Variants in NTN5 observed in about 807,000 individuals in gnomAD.
NTN5 encodes the protein netrin 5.
A neutral mutation model predicts 38.7 loss-of-function variants in NTN5; 42 were observed. The ratio of observed to expected loss-of-function variants is 1.08; its 90% CI spans 0.85 to 1.40. The LOEUF is 1.40. Among genes scored for constraint, NTN5 ranks in the 40% most tolerant of loss-of-function variants. The pLI is 0.00. For missense variants in NTN5, 658 were observed against 716.5 expected, an observed-to-expected ratio of 0.92 and a Z score of 0.93; for synonymous variants, 329 against 303.9, an observed-to-expected ratio of 1.08 and a Z score of -0.86.
intron 6 of NTN5, 109 bp downstream of exon 6, chr19:48,663,354 C>G: frequency 1.0e-6 from 1 of 979,456 alleles, no homozygotes; most frequent in Non-Finnish European, 1.7e-6. Context: ...GAATCCAACA[C>G]TCCTTCCCAT....
At chr19:48,669,109 CCAT>C (rs1381635355) in intron 2 of NTN5, among the ~76,000 whole-genome samples, 120 of 127,610 alleles carry the variant, frequency 9.4e-4, no homozygotes, top group African/African-American at 3.5e-3. Flanking sequence ...ACCACTATCA[CCAT>C]CATCACCACC....
intron 5 of NTN5, 89 bp downstream of exon 5, chr19:48,663,672 G>T: frequency 6.6e-7 from 1 of 1,511,256 alleles, no homozygotes; most frequent in Non-Finnish European, 9.2e-7. Flanking sequence ...GGGCTCAATG[G>T]GTGACCCATG....
At chr19:48,663,992 G>C in intron 4 of NTN5, 151 bp downstream of exon 4, 2 of 1,179,246 alleles carry the variant, frequency 1.7e-6, no homozygotes, top group South Asian at 3.1e-5. Flanking sequence ...CAGAATTTCA[G>C]TCCCTGCTTA....
rs2031562118 is a variant in NTN5, at chr19:48,662,010, C to T, written c.1137G>A (p.Ala379=). ...CCAGCCGCTGCCATGCCGGGCCCGC[C>T]GCCTCGGACGCTAGCACCTGCGCGC... ...VLRAQVLASE[A]AGPAWQRLAV... is the part of the protein sequence containing the mutation. The change falls in exon 7 of 7, where the codon GCG becomes GCA. Residue 379 remains alanine, a synonymous_variant. Transcript: ENST00000270235. 2.0e-6 allele frequency: 3 copies of T among 1,487,048 alleles called. No homozygotes were observed. The highest frequency in any genetic ancestry group is 1.5e-5 in the African/African-American group (1 of 68,150). The allele number at this position is 1,487,048 out of a possible 1,614,324, so 92.1% of individuals were successfully genotyped here.
At position 48,662,019 on chromosome 19, in the gene NTN5, C is replaced by T; in HGVS notation, c.1128G>A (p.Ala376=). The T allele has an allele frequency of 4.0e-6, 6 of 1,484,710 alleles. No individual in the cohort carries two copies. The highest frequency in any genetic ancestry group is 2.5e-5 in the South Asian group (2 of 80,406). The allele number at this position is 1,484,710 out of a possible 1,614,324, so 92.0% of individuals were successfully genotyped here. Residue 376 remains alanine (A), a synonymous_variant, in exon 7 of 7, where the codon GCG becomes GCA. Transcript: ENST00000270235. The part of the protein sequence containing the change: ...QDHVLRAQVL[A]SEAAGPAWQR... ...GCCATGCCGGGCCCGCCGCCTCGGA[C>T]GCTAGCACCTGCGCGCGGAGAACTG...
At position 48,661,708 on chromosome 19, in the gene NTN5, G is replaced by A. The variant is rs1388301921; in HGVS notation, c.1439C>T (p.Ala480Val). ...CTCCGGCCTGGGACTGGGTGTGGGT[G>A]CCCGCACGCCGCGGCAGCCTCCGGC... is the stretch of plus-strand genomic sequence containing the variant. ...ERAGGCRGVR[A>V]PTPSPRPEH Residue 480 changes from alanine (A) to valine (V), a missense_variant, in exon 7 of 7, where the codon GCA (alanine) becomes GTA (valine). By Grantham distance (64) the Ala-to-Val change is moderately conservative (BLOSUM62 0). Transcript: ENST00000270235. 6.4e-7 allele frequency: 1 copy of A among 1,557,008 alleles called. No individual in the cohort carries two copies. The highest frequency in any genetic ancestry group is 8.6e-7 in the Non-Finnish European group (1 of 1,161,276).
intron 6 of NTN5, chr19:48,663,122 G>C: frequency 2.2e-6 from 1 of 452,010 alleles, no homozygotes; most frequent in South Asian, 1.6e-5. Context: ...GAAGCAGAAA[G>C]GGTCTCTGAG....
In NTN5 at chr19:48,664,174, C is replaced by A; in HGVS notation, c.939G>T (p.Gln313His). ...AGGGCATCCTGGGGGAGCGGCTCTG[C>A]TGGTAGCCAGGGCCACAGCGGTTGC... ...LTCNRCGPGY[Q>H]QSRSPRMPCQ... Residue 313 changes from glutamine (Q) to histidine (H), a missense_variant, in exon 4 of 7, where the codon CAG becomes CAT. Physicochemically the swap from Gln to His is conservative, Grantham distance 24. Coordinates refer to ENST00000270235, the MANE Select transcript of NTN5 (RefSeq NM_145807.4). 6.2e-7 allele frequency: 1 copy of A among 1,609,012 alleles called. No homozygotes were observed. The highest frequency in any genetic ancestry group is 8.5e-7 in the Non-Finnish European group (1 of 1,177,862).
In NTN5 at chr19:48,670,756, A is replaced by G. The variant is rs1381126266; in HGVS notation, c.231T>C (p.Ser77=). ...LALGGPFLLT[S]VSLRFCTPGP... is the part of the protein sequence containing the mutation. ...CTGGGGTACAGAAGCGCAAGCTGAC[A>G]GATGTCAGGAGGAAGGGGCCACCCA... The change falls in exon 2 of 7, where the codon TCT becomes TCC. Residue 77 remains serine (S), a synonymous_variant. Transcript: ENST00000270235. 3.1e-6 allele frequency: 5 copies of G among 1,612,920 alleles called. No individual in the cohort carries two copies. In the East Asian group the frequency reaches 1.1e-4, roughly 36 times the overall value.
intron 4 of NTN5, 55 bp from the exon 5 acceptor site, chr19:48,663,869 G>A (rs762313653): frequency 4.6e-5 from 72 of 1,550,150 alleles, no homozygotes; most frequent in Middle Eastern, 1.7e-4. Flanking sequence ...GGATCCCCTC[G>A]CCCCTGCCCC....
chr19:48,668,140 C>T (rs1043303260), intron 2 of NTN5, among the ~76,000 whole-genome samples: 22 of 152,082 alleles, frequency 1.4e-4, no homozygotes, highest in African/African-American at 5.1e-4. Context: ...TGGGACATTC[C>T]TGGGGGGCCC....
intron 2 of NTN5, among the ~76,000 whole-genome samples, chr19:48,666,809 C>T (rs969563798): frequency 2.0e-5 from 3 of 149,046 alleles, no homozygotes; most frequent in African/African-American, 4.9e-5. Flanking sequence ...TCAGCCTCCT[C>T]GGTAGCTGGG....
intron 2 of NTN5, among the ~76,000 whole-genome samples, chr19:48,669,646 C>T (rs1281382951): frequency 1.0e-5 from 1 of 95,368 alleles, no homozygotes; most frequent in Non-Finnish European, 2.0e-5. Flanking sequence ...ATCACCATCA[C>T]CACCACCAAC....
chr19:48,669,453 CCATGACCACCATCAT>C (rs2031831979), intron 2 of NTN5, among the ~76,000 whole-genome samples: 1 of 7,216 alleles, frequency 1.4e-4, no homozygotes, highest in Non-Finnish European at 3.3e-4. Context: ...ACCATCACCA[CCATGACCACCATCAT>C]CACCACCATC....
chr19:48,669,556 C>T (rs2122132231), intron 2 of NTN5, among the ~76,000 whole-genome samples: 1 of 11,552 alleles, frequency 8.7e-5, no homozygotes, highest in African/African-American at 2.6e-4. Context: ...CCACCACCAT[C>T]ACCACCACCA....
rs138870150 is a variant in NTN5 at position 48,663,536 on chromosome 19, C to T, written c.1032G>A (p.Gln344=). 3.7e-6 allele frequency: 6 copies of T among 1,614,070 alleles called. No homozygotes were observed. The East Asian group carries it at 1.1e-4, about 30-fold the overall frequency. ...TTPGAYSSDP[Q]CQNYCNMSDT... is the part of the protein sequence containing the mutation. ...CCGACATATTGCAGTAGTTTTGACA[C>T]TGAGGGTCTGGGGAGGGTCAGGCTG... Residue 344 remains glutamine (Q), a synonymous_variant, in exon 6 of 7, where the codon CAG becomes CAA. Transcript: ENST00000270235.
At chr19:48,663,929 G>T (rs2031618475) in intron 4 of NTN5, 115 bp from the exon 5 acceptor site, 1 of 1,204,662 alleles carries the variant, frequency 8.3e-7, no homozygotes, top group Non-Finnish European at 1.2e-6. Flanking sequence ...TAGGACTCAA[G>T]AGTGCAAGCA....
chr19:48,671,861 G>T (rs538857227), intron 1 of NTN5, among the ~76,000 whole-genome samples: 1 of 18,862 alleles, frequency 5.3e-5, no homozygotes, highest in African/African-American at 2.1e-4. Flanking sequence ...TTTCCCACCC[G>T]AGTGCAAAGC....
In NTN5 at chr19:48,662,008, G is replaced by A. The variant is rs769001243; in HGVS notation, c.1139C>T (p.Ala380Val). ...GGCCAGCCGCTGCCATGCCGGGCCC[G>A]CCGCCTCGGACGCTAGCACCTGCGC... ...LRAQVLASEA[A>V]GPAWQRLAVR... Residue 380 changes from alanine (A) to valine (V), a missense_variant, in exon 7 of 7, where the codon GCG becomes GTG. By Grantham distance (64) the Ala-to-Val change is moderately conservative. Coordinates refer to ENST00000270235, the MANE Select transcript of NTN5 (RefSeq NM_145807.4). 50 of 1,487,528 alleles carry A rather than the reference G, an allele frequency of 3.4e-5. No homozygotes were observed. The highest frequency in any genetic ancestry group is 3.9e-5 in the Non-Finnish European group (44 of 1,126,006). The allele number at this position is 1,487,528 out of a possible 1,614,324, so 92.1% of individuals were successfully genotyped here.
Sources: gnomAD v4.1 joint callset for allele counts (sites outside exome capture counted in the v4.1 genomes callset) on GRCh38, gnomAD v4.1.1 for gene constraint, MANE v1.5 for transcripts, NCBI Gene and HGNC (gene_info 2026-07-23, HGNC 2026-07-21) for gene names.